Variants in CHRM3 observed in about 807,000 individuals in gnomAD.
CHRM3 encodes the protein cholinergic receptor muscarinic 3.
In CHRM3, 11 loss-of-function variants were observed where a neutral mutation model predicts 41.8. That is an observed-to-expected ratio of 0.26 (90% CI 0.17 to 0.44). CHRM3 has a LOEUF of 0.44. Among genes scored for constraint, CHRM3 ranks in the 20% least tolerant of loss-of-function variants. The pLI is 1.00. For synonymous variants in CHRM3, 297 were observed against 301.4 expected (o/e 0.99, Z 0.15); for missense variants, 571 against 745.4 (o/e 0.77, Z 2.72).
chr1:239,396,720 C>T (rs907343168), intron 1 of CHRM3, among the ~76,000 whole-genome samples: 10 of 152,236 alleles, frequency 6.6e-5, no homozygotes, highest in African/African-American at 2.4e-4. Context: ...TAAAAGTCCA[C>T]CATAACCCAA....
In CHRM3 at chr1:239,873,345, CT is replaced by C. The variant is rs959525826; in HGVS notation, c.-19-34079del. Among the ~76,000 whole-genome samples, 182 of 151,398 alleles carry C rather than the reference CT, an allele frequency of 1.2e-3. 2 individuals are homozygous for C. The highest frequency in any genetic ancestry group is 3.7e-3 in the African/African-American group (153 of 41,306). On this transcript the variant is annotated intron_variant, in intron 6 of 6. Coordinates refer to ENST00000676153, the MANE Select transcript of CHRM3 (RefSeq NM_001375978.1). Reference sequence around the variant, plus strand: ...ATGATAATGCAAAGGGAAACTTTCTCTTTTTTTTTATTTATTTTTATTATAC... The same window carrying C: ...ATGATAATGCAAAGGGAAACTTTCTCTTTTTTTTATTTATTTTTATTATAC...
chr1:239,763,609 G>A (rs1558523361), intron 5 of CHRM3, among the ~76,000 whole-genome samples: 6 of 152,142 alleles, frequency 3.9e-5, no homozygotes. Flanking sequence ...GAAATGGGAG[G>A]CAGTAAATAT....
intron 1 of CHRM3, among the ~76,000 whole-genome samples, chr1:239,445,500 C>A (rs763689755): frequency 6.6e-6 from 1 of 152,092 alleles, no homozygotes; most frequent in Non-Finnish European, 1.5e-5. Context: ...GCCTCTGTTG[C>A]GGGTGGACTG....
intron 6 of CHRM3, among the ~76,000 whole-genome samples, chr1:239,857,212 A>G (rs1416651123): frequency 6.6e-6 from 1 of 152,210 alleles, no homozygotes; most frequent in Non-Finnish European, 1.5e-5. Context: ...AGCAAAAAAC[A>G]TAGACACATA....
intron 5 of CHRM3, among the ~76,000 whole-genome samples, chr1:239,753,579 C>T (rs1047034717): frequency 3.3e-5 from 5 of 152,156 alleles, no homozygotes; most frequent in African/African-American, 1.2e-4. Flanking sequence ...AATCCACCCC[C>T]ATGATTCAAT....
chr1:239,418,333 T>TTGTGTG (rs145265251), intron 1 of CHRM3, among the ~76,000 whole-genome samples: 39 of 150,522 alleles, frequency 2.6e-4, no homozygotes, highest in African/African-American at 8.7e-4. Flanking sequence ...AGATGTTGCT[T>TTGTGTG]TGTGTGTGTG....
chr1:239,745,603 C>T (rs547616704), intron 5 of CHRM3, among the ~76,000 whole-genome samples: 43 of 152,202 alleles, frequency 2.8e-4, no homozygotes, highest in African/African-American at 9.4e-4. Flanking sequence ...ATCAACCTGT[C>T]ATCTACATTA....
intron 5 of CHRM3, among the ~76,000 whole-genome samples, chr1:239,682,634 C>A (rs1658679897): frequency 6.6e-6 from 1 of 151,116 alleles, no homozygotes; most frequent in African/African-American, 2.4e-5. Context: ...GGTTAGGATT[C>A]ATTAAAAAAA....
intron 1 of CHRM3, among the ~76,000 whole-genome samples, chr1:239,412,310 CCTTCCTTTCTT>C (rs1278712797): frequency 2.8e-5 from 1 of 35,308 alleles, no homozygotes; most frequent in Non-Finnish European, 5.5e-5. Context: ...TTCTTTCCTC[CCTTCCTTTCTT>C]CTTCCTTCCT....
chr1:239,735,130 A>G (rs144971091), intron 5 of CHRM3, among the ~76,000 whole-genome samples: 11 of 152,294 alleles, frequency 7.2e-5, no homozygotes, highest in Admixed American at 1.3e-4. Context: ...CATAAAATCA[A>G]TGTAACCTGA....
intron 3 of CHRM3, among the ~76,000 whole-genome samples, chr1:239,614,764 AT>A (rs940264753): frequency 2.6e-5 from 4 of 152,084 alleles, no homozygotes; most frequent in African/African-American, 9.7e-5. Context: ...AACAAAACAC[AT>A]TTTTTCAGGA....
Position 239,907,382 on chromosome 1 carries a change from C to A in CHRM3, c.-19-51C>A. ...TAACGTATGTAATGCAAAGAACAAACAAATAAAGGCAGAAATTTTTCTAAC... is the reference window on the plus strand; with the variant it reads ...TAACGTATGTAATGCAAAGAACAAAAAAATAAAGGCAGAAATTTTTCTAAC... On this transcript the variant is annotated intron_variant, in intron 6 of 6. Transcript: ENST00000676153. This position sits in a 1 kb window ranked among gnomAD's most constrained non-coding sequence, Gnocchi z 5.4. 6.9e-7 allele frequency: 1 copy of A among 1,455,860 alleles called. No homozygotes were observed. 90.2% of individuals were successfully genotyped at this position (1,455,860 alleles called of 1,614,324 possible). A position where few individuals can be genotyped will look rare whatever the true frequency, so the allele number is the denominator to read the frequency against.
chr1:239,609,130 A>G (rs908609045), intron 3 of CHRM3, among the ~76,000 whole-genome samples: 1 of 152,208 alleles, frequency 6.6e-6, no homozygotes, highest in Non-Finnish European at 1.5e-5. Flanking sequence ...AATCCTTTGT[A>G]ATCCCTCCCT....
In CHRM3 at chr1:239,396,692, G is replaced by T. The variant is rs967632728; in HGVS notation, c.-521+9465G>T. ...TGTCATACAAAAATTCAAACATTATGGAAATATATATCAAAAGTAAAAGTC... is the reference window on the plus strand; with the variant it reads ...TGTCATACAAAAATTCAAACATTATTGAAATATATATCAAAAGTAAAAGTC... On this transcript the variant is annotated intron_variant, in intron 1 of 6. Coordinates refer to ENST00000676153, the MANE Select transcript of CHRM3 (RefSeq NM_001375978.1). Among the ~76,000 whole-genome samples, 4 of 152,206 alleles carry T rather than the reference G, an allele frequency of 2.6e-5. No individual in the cohort carries two copies. The East Asian group carries it at 7.7e-4, about 29-fold the overall frequency.
chr1:239,716,253 T>C (rs1431718), intron 5 of CHRM3, among the ~76,000 whole-genome samples: 93,224 of 151,802 alleles, frequency 0.61, 28,987 homozygotes, highest in South Asian at 0.68. Flanking sequence ...GTTGTAGAAC[T>C]GATGGAGTGG....
intron 3 of CHRM3, among the ~76,000 whole-genome samples, chr1:239,576,596 A>ACG (rs1411521868): frequency 2.4e-4 from 30 of 127,570 alleles, no homozygotes; most frequent in East Asian, 7.7e-4. Context: ...ACACACACGC[A>ACG]CACACACACA....
chr1:239,494,326 C>T (rs936847054), intron 2 of CHRM3, among the ~76,000 whole-genome samples: 14 of 152,080 alleles, frequency 9.2e-5, no homozygotes, highest in African/African-American at 3.4e-4. Context: ...ACTTCATTGC[C>T]TAGGGACCAA....
intron 5 of CHRM3, among the ~76,000 whole-genome samples, chr1:239,716,754 A>C (rs1015027117): frequency 2.6e-5 from 4 of 152,112 alleles, no homozygotes; most frequent in Non-Finnish European, 4.4e-5. Context: ...CTAAACTTTA[A>C]AAAACCTTGC....
chr1:239,719,994 T>C (rs1287244633), intron 5 of CHRM3: 2 of 151,944 alleles, frequency 1.3e-5, no homozygotes, highest in Non-Finnish European at 2.9e-5. Context: ...AAAGCTTTGT[T>C]CCAACCCAGG....
Sources: gnomAD v4.1 joint callset for allele counts (sites outside exome capture counted in the v4.1 genomes callset) on GRCh38, gnomAD v4.1.1 for gene constraint, Gnocchi (gnomAD v3.1) non-coding constraint, MANE v1.5 for transcripts, NCBI Gene and HGNC (gene_info 2026-07-23, HGNC 2026-07-21) for gene names.